The following ATP2B2 variants were observed in gnomAD, a reference collection of about 807,000 sequenced individuals.
The protein encoded by ATP2B2 is plasma membrane calcium-transporting ATPase 2.
ATP2B2 carries 15 observed loss-of-function variants against 120.0 expected under a neutral mutation model. That is an observed-to-expected ratio of 0.12 (90% CI 0.08 to 0.19). The LOEUF is 0.19. Ranked by LOEUF, ATP2B2 falls within the 10% of genes least tolerant of loss-of-function variation. The pLI is 1.00. For synonymous variants in ATP2B2, 694 were observed against 700.3 expected, an observed-to-expected ratio of 0.99 and a Z score of 0.14; for missense variants, 1,045 against 1,719.8, an observed-to-expected ratio of 0.61 and a Z score of 6.94.
chr3:10,457,296 G>A (rs2064301649), intron 1 of ATP2B2, among the ~76,000 whole-genome samples: 2 of 152,146 alleles, frequency 1.3e-5, no homozygotes, highest in Non-Finnish European at 2.9e-5. Context: ...GTATAGATAT[G>A]CAAGATGAGT....
chr3:10,436,797 T>C (rs2063494090), intron 2 of ATP2B2, among the ~76,000 whole-genome samples: 1 of 152,196 alleles, frequency 6.6e-6, no homozygotes, highest in African/African-American at 2.4e-5. Context: ...AGAAACAGGC[T>C]GAGGAAAGAA....
chr3:10,603,119 G>A (rs1354033769), intron 2 of ATP2B2, among the ~76,000 whole-genome samples: 1 of 152,234 alleles, frequency 6.6e-6, no homozygotes, highest in East Asian at 1.9e-4. Flanking sequence ...CCCGCATCCA[G>A]CCCTGGTGAC....
intron 2 of ATP2B2, among the ~76,000 whole-genome samples, chr3:10,447,932 A>C (rs1053647132): frequency 2.0e-5 from 3 of 152,270 alleles, no homozygotes; most frequent in Admixed American, 6.5e-5. Flanking sequence ...CAGTGAGAAC[A>C]GTCAATGTGG....
At chr3:10,686,022 C>T (rs1459068135) in intron 1 of ATP2B2, among the ~76,000 whole-genome samples, 1 of 150,250 alleles carries the variant, frequency 6.7e-6, no homozygotes, top group Non-Finnish European at 1.5e-5. Flanking sequence ...TTCCTGGTTC[C>T]CTGTCTTTCT....
chr3:10,518,747 A>G (rs2066923900), intron 3 of ATP2B2, among the ~76,000 whole-genome samples: 1 of 152,192 alleles, frequency 6.6e-6, no homozygotes, highest in Admixed American at 6.5e-5. Context: ...CCCTTCTTTG[A>G]AAGCTCCTTT....
intron 1 of ATP2B2, among the ~76,000 whole-genome samples, chr3:10,679,788 A>T (rs889651355): frequency 3.9e-5 from 6 of 152,194 alleles, no homozygotes; most frequent in African/African-American, 1.4e-4. Context: ...ATCTGGTGCC[A>T]TTTATGGAAA....
chr3:10,408,036 T>C (rs2062477749), intron 3 of ATP2B2, among the ~76,000 whole-genome samples: 1 of 152,120 alleles, frequency 6.6e-6, no homozygotes, highest in Admixed American at 6.5e-5. Context: ...CAAAAAGAAA[T>C]TGGGTGCATT....
At chr3:10,653,035 G>A (rs2070508262) in intron 1 of ATP2B2, among the ~76,000 whole-genome samples, 1 of 152,140 alleles carries the variant, frequency 6.6e-6, no homozygotes, top group African/African-American at 2.4e-5. Flanking sequence ...ACAGCTATAT[G>A]AATACACTTG....
chr3:10,359,495 AGAG>A, intron 13 of ATP2B2, among the ~76,000 whole-genome samples: 1 of 152,288 alleles, frequency 6.6e-6, no homozygotes, highest in South Asian at 2.1e-4. Flanking sequence ...CTCTGGAGTC[AGAG>A]GAGTGTGGCT....
intron 2 of ATP2B2, among the ~76,000 whole-genome samples, chr3:10,534,566 T>C (rs2067271805): frequency 6.6e-6 from 1 of 152,234 alleles, no homozygotes. Context: ...ATGCCACCGT[T>C]GTCCCCATTT....
chr3:10,640,257 G>A lies in ATP2B2; in HGVS notation c.-459-20296C>T, dbSNP rs1317093229. Among the ~76,000 whole-genome samples, 6 of 152,162 alleles carry A rather than the reference G, an allele frequency of 3.9e-5. No individual in the cohort carries two copies. The East Asian group carries it at 1.2e-3, about 29-fold the overall frequency. ...CCTACTGGACTTGCTCTGAAGGTAGGGAATGATTGGGGAACTACGTCAGAG... is the reference window on the plus strand; with the variant it reads ...CCTACTGGACTTGCTCTGAAGGTAGAGAATGATTGGGGAACTACGTCAGAG... On this transcript the variant is annotated intron_variant, in intron 1 of 21. Transcript: ENST00000646379.
At chr3:10,631,077 C>T (rs1427248350) in intron 1 of ATP2B2, among the ~76,000 whole-genome samples, 1 of 152,194 alleles carries the variant, frequency 6.6e-6, no homozygotes, top group Non-Finnish European at 1.5e-5. Flanking sequence ...AGCTGCGTGT[C>T]CTGGAGCAAG....
intron 8 of ATP2B2, 88 bp from the exon 9 acceptor site, chr3:10,379,372 T>C: frequency 2.1e-6 from 3 of 1,430,916 alleles, no homozygotes; most frequent in Non-Finnish European, 3.0e-6. Flanking sequence ...CAGACATTAA[T>C]GTCACAGATG....
intron 3 of ATP2B2, among the ~76,000 whole-genome samples, chr3:10,518,778 G>C (rs9875042): frequency 6.6e-6 from 1 of 152,134 alleles, no homozygotes; most frequent in South Asian, 2.1e-4. Context: ...GCCCTGCCCC[G>C]GGCCCCGCTT....
rs1267486851 is a variant in ATP2B2 at position 10,346,751 on chromosome 3, G to A, written c.2405-614C>T. On this transcript the variant is annotated intron_variant, in intron 16 of 22. Coordinates refer to ENST00000360273, the MANE Select transcript of ATP2B2 (RefSeq NM_001001331.4). This position sits in a 1 kb window ranked among gnomAD's most constrained non-coding sequence, Gnocchi z 4.1. ...AAAAGGGTGGGTGAAGGATGTCATC[G>A]GTGGGGACCTGTGGAGTTTGTGGGA... Among the ~76,000 whole-genome samples the A allele has an allele frequency of 1.3e-5, 2 of 152,190 alleles. No homozygotes were observed. The highest frequency in any genetic ancestry group is 1.9e-4 in the East Asian group (1 of 5,196).
At chr3:10,692,364 C>T (rs943471641) in intron 1 of ATP2B2, among the ~76,000 whole-genome samples, 5 of 152,196 alleles carry the variant, frequency 3.3e-5, no homozygotes, top group African/African-American at 4.8e-5. Flanking sequence ...CGAGGCTTGC[C>T]GGCTGCAGAC....
rs77602078 is a variant in ATP2B2 at position 10,434,057 on chromosome 3, A to C, written c.199+15288T>G. On this transcript the variant is annotated intron_variant, in intron 2 of 22. Coordinates refer to ENST00000360273, the MANE Select transcript of ATP2B2 (RefSeq NM_001001331.4). ...AAAAAAAAATGCAGCAGCTTATTTG[A>C]ATTAGTAAATGAATGCAGTGATTCT... is the stretch of plus-strand genomic sequence containing the variant. 8.7e-3 allele frequency among the ~76,000 whole-genome samples: 1,331 copies of C among 152,330 alleles called. 7 individuals are homozygous for C. The highest frequency in any genetic ancestry group is 0.014 in the Non-Finnish European group (930 of 68,028).
chr3:10,492,836 C>T (rs2065985863), intron 1 of ATP2B2, among the ~76,000 whole-genome samples: 1 of 152,214 alleles, frequency 6.6e-6, no homozygotes, highest in Admixed American at 6.5e-5. Flanking sequence ...GTCCCTTTCA[C>T]AGCTGCGCAA....
intron 1 of ATP2B2, among the ~76,000 whole-genome samples, chr3:10,683,748 A>AAG (rs1559520041): frequency 1.7e-5 from 1 of 57,332 alleles, no homozygotes; most frequent in Admixed American, 2.3e-4. Context: ...GTGTATATAT[A>AAG]TGTGTGTGTG....
Sources: gnomAD v4.1 joint callset for allele counts (sites outside exome capture counted in the v4.1 genomes callset) on GRCh38, gnomAD v4.1.1 for gene constraint, Gnocchi (gnomAD v3.1) non-coding constraint, MANE v1.5 for transcripts, NCBI Gene and HGNC (gene_info 2026-07-23, HGNC 2026-07-21) for gene names.